Variants in DTWD2 observed in about 807,000 individuals in gnomAD.
DTWD2 encodes the protein tRNA-uridine aminocarboxypropyltransferase 2.
In DTWD2, 39 loss-of-function variants were observed where a neutral mutation model predicts 31.8. The ratio of observed to expected loss-of-function variants is 1.22; its 90% confidence interval spans 0.95 to 1.60. DTWD2 has a LOEUF of 1.60. Ranked by LOEUF, DTWD2 falls within the 40% of genes most tolerant of loss-of-function variation. The probability of loss-of-function intolerance (pLI) is 0.00; values close to 1 mark genes in which losing one functional copy is unlikely to be tolerated. For missense variants in DTWD2, 515 were observed against 381.5 expected (o/e 1.35, Z -2.92); for synonymous variants, 180 against 142.8 (o/e 1.26, Z -1.86).
chr5:118,941,250 A>G (rs1393145204), intron 2 of DTWD2, among the ~76,000 whole-genome samples: 2 of 152,142 alleles, frequency 1.3e-5, no homozygotes, highest in African/African-American at 4.8e-5. Flanking sequence ...ATATGTATAC[A>G]TGTGCCATGT....
intron 4 of DTWD2, among the ~76,000 whole-genome samples, chr5:118,851,153 A>G (rs912183814): frequency 2.0e-5 from 3 of 149,294 alleles, no homozygotes; most frequent in East Asian, 4.1e-4. Context: ...TGAGAGGCAG[A>G]GATTACAGTG....
intron 4 of DTWD2, among the ~76,000 whole-genome samples, chr5:118,852,849 G>A (rs536505545): frequency 1.3e-5 from 2 of 152,192 alleles, no homozygotes; most frequent in African/African-American, 4.8e-5. Context: ...TAAAGAAAAC[G>A]TGGTACATAT....
intron 4 of DTWD2, among the ~76,000 whole-genome samples, chr5:118,924,513 A>G (rs1753770262): frequency 6.6e-6 from 1 of 152,206 alleles, no homozygotes; most frequent in African/African-American, 2.4e-5. Flanking sequence ...GCAGGCCCCT[A>G]GGAAAGCCTA....
chr5:118,935,316 T>C (rs1192199410), intron 3 of DTWD2, among the ~76,000 whole-genome samples: 1 of 151,710 alleles, frequency 6.6e-6, no homozygotes, highest in Non-Finnish European at 1.5e-5. Context: ...AAACCAAGAG[T>C]TGTGGAAGCC....
intron 2 of DTWD2, among the ~76,000 whole-genome samples, 157 bp downstream of exon 2, chr5:118,944,402 A>G (rs554371349): frequency 3.3e-5 from 5 of 152,348 alleles, no homozygotes; most frequent in South Asian, 4.1e-4. Context: ...TATCAGTTGA[A>G]ATTAAAAAGA....
intron 4 of DTWD2, among the ~76,000 whole-genome samples, chr5:118,900,040 A>C (rs1435521930): frequency 1.3e-5 from 2 of 152,042 alleles, no homozygotes; most frequent in African/African-American, 4.8e-5. Flanking sequence ...TTCCTGACCC[A>C]AATTGATCTG....
intron 3 of DTWD2, among the ~76,000 whole-genome samples, chr5:118,934,972 GT>G (rs1028057213): frequency 6.6e-6 from 1 of 152,078 alleles, no homozygotes. Context: ...TCAAAGTGTT[GT>G]TTTTTTGTAT....
intron 1 of DTWD2, among the ~76,000 whole-genome samples, chr5:118,977,386 G>A (rs1755187237): frequency 6.6e-6 from 1 of 152,140 alleles, no homozygotes; most frequent in Admixed American, 6.6e-5. Context: ...AGGAAGAGAG[G>A]AAGTCAAATT....
intron 4 of DTWD2, among the ~76,000 whole-genome samples, chr5:118,899,894 C>G (rs1403937648): frequency 6.7e-6 from 1 of 150,070 alleles, no homozygotes; most frequent in African/African-American, 2.5e-5. Context: ...CTCCGCCTCT[C>G]GGGTTCAAGC....
chr5:118,875,191 G>C (rs540560290), intron 4 of DTWD2, among the ~76,000 whole-genome samples: 2 of 152,264 alleles, frequency 1.3e-5, no homozygotes, highest in South Asian at 4.1e-4. Context: ...CCTTATGAGA[G>C]TTCCTGAAGG....
In DTWD2 at chr5:118,935,254, T is replaced by C. The variant is rs556197824; in HGVS notation, c.404+3942A>G. On this transcript the variant is annotated intron_variant, in intron 3 of 5. Transcript: ENST00000510708. ...CGTATCTCACCTGTACCCTTTGTAATATCCTTTATCATAAACTGGTAAACA... is the reference window on the plus strand; with the variant it reads ...CGTATCTCACCTGTACCCTTTGTAACATCCTTTATCATAAACTGGTAAACA... Among the ~76,000 whole-genome samples the C allele has an allele frequency of 2.8e-3, 419 of 152,334 alleles. 6 individuals carry two copies. The highest frequency in any genetic ancestry group is 4.1e-3 in the Non-Finnish European group (281 of 68,030).
At chr5:118,940,370 T>C (rs1754152004) in intron 2 of DTWD2, among the ~76,000 whole-genome samples, 1 of 152,198 alleles carries the variant, frequency 6.6e-6, no homozygotes, top group African/African-American at 2.4e-5. Context: ...TTTCTAAACC[T>C]TTATCAAAGT....
At chr5:118,979,730 C>A (rs969282016) in intron 1 of DTWD2, among the ~76,000 whole-genome samples, 4 of 152,232 alleles carry the variant, frequency 2.6e-5, no homozygotes, top group African/African-American at 9.6e-5. Flanking sequence ...ACTTTATCCT[C>A]AGCAAACTAA....
chr5:118,958,682 T>C (rs1040264462), intron 1 of DTWD2, among the ~76,000 whole-genome samples: 3 of 147,930 alleles, frequency 2.0e-5, no homozygotes, highest in African/African-American at 7.5e-5. Context: ...TTGATGAACA[T>C]AAATGCAAAA....
intron 4 of DTWD2, among the ~76,000 whole-genome samples, chr5:118,917,636 G>C (rs936547219): frequency 2.0e-5 from 3 of 152,144 alleles, no homozygotes; most frequent in Non-Finnish European, 4.4e-5. Context: ...ATGGGGGCAG[G>C]AGAAAGAAGT....
At chr5:118,893,170 T>G (rs572906156) in intron 4 of DTWD2, among the ~76,000 whole-genome samples, 1 of 151,672 alleles carries the variant, frequency 6.6e-6, no homozygotes, top group South Asian at 2.1e-4. Context: ...AGATCAGGAG[T>G]TCGAGACTAG....
intron 4 of DTWD2, among the ~76,000 whole-genome samples, chr5:118,926,928 T>C (rs965295370): frequency 3.9e-5 from 6 of 152,212 alleles, no homozygotes; most frequent in African/African-American, 1.4e-4. Flanking sequence ...TAGGCTGTTG[T>C]AACATTCATT....
At chr5:118,843,781 A>G (rs148586162) in intron 5 of DTWD2, among the ~76,000 whole-genome samples, 2 of 152,378 alleles carry the variant, frequency 1.3e-5, no homozygotes, top group African/African-American at 4.8e-5. Context: ...GATCTGGATT[A>G]GATCCCTACT....
chr5:118,944,702 T>C (rs965353021), intron 1 of DTWD2, 53 bp from the exon 2 acceptor site: 7 of 1,553,448 alleles, frequency 4.5e-6, no homozygotes, highest in Admixed American at 3.6e-5. Flanking sequence ...TACAATGATA[T>C]AACAATTTTT....
Sources: gnomAD v4.1 joint callset for allele counts (sites outside exome capture counted in the v4.1 genomes callset) on GRCh38, gnomAD v4.1.1 for gene constraint, MANE v1.5 for transcripts, NCBI Gene and HGNC (gene_info 2026-07-23, HGNC 2026-07-21) for gene names.